TUSC3: variants seen among roughly 807,000 people sequenced by gnomAD.
The protein encoded by TUSC3 is tumor suppressor candidate 3.
Under a neutral mutation model 44.8 loss-of-function variants are expected in TUSC3, and 45 were observed. That is an observed-to-expected ratio of 1.00 (90% CI 0.79 to 1.29). TUSC3 has a LOEUF of 1.29. Ranked by LOEUF, TUSC3 falls within the 50% of genes most tolerant of loss-of-function variation. TUSC3 has a pLI of 0.00. For missense variants in TUSC3, 519 were observed against 437.9 expected (o/e 1.19, Z -1.65); for synonymous variants, 212 against 152.9 (o/e 1.39, Z -2.85).
chr8:15,483,811 A>G (rs553931225), intron 2 of TUSC3, among the ~76,000 whole-genome samples: 5 of 151,564 alleles, frequency 3.3e-5, no homozygotes, highest in South Asian at 2.1e-4. Context: ...GCCAGCCACA[A>G]TGCCCGGCTA....
intron 1 of TUSC3, among the ~76,000 whole-genome samples, chr8:15,591,129 T>C (rs1803819988): frequency 6.6e-6 from 1 of 152,178 alleles, no homozygotes; most frequent in African/African-American, 2.4e-5. Flanking sequence ...TAGGTCCTTT[T>C]TTTGGTTATT....
At chr8:15,696,645 A>G (rs976828447) in intron 6 of TUSC3, among the ~76,000 whole-genome samples, 1 of 152,154 alleles carries the variant, frequency 6.6e-6, no homozygotes, top group African/African-American at 2.4e-5. Context: ...CCACTTGATC[A>G]TCTGTTCAGG....
At chr8:15,763,841 A>G (rs1328753414) in intron 10 of TUSC3, among the ~76,000 whole-genome samples, 1 of 152,056 alleles carries the variant, frequency 6.6e-6, no homozygotes. Flanking sequence ...AGGACATTCA[A>G]ATGACCCACT....
intron 2 of TUSC3, among the ~76,000 whole-genome samples, chr8:15,506,103 G>A (rs1449527081): frequency 1.3e-5 from 2 of 152,168 alleles, no homozygotes; most frequent in African/African-American, 4.8e-5. Context: ...TATTATAAGA[G>A]AGGATGAAAA....
the TUSC3 span, among the ~76,000 whole-genome samples, chr8:15,811,575 G>A: frequency 6.6e-6 from 1 of 152,176 alleles, no homozygotes; most frequent in Non-Finnish European, 1.5e-5. Flanking sequence ...AGAACTGGGG[G>A]TTTGCAGAAC....
At chr8:15,597,750 C>A (rs1695623568) in intron 1 of TUSC3, among the ~76,000 whole-genome samples, 1 of 152,038 alleles carries the variant, frequency 6.6e-6, no homozygotes. Context: ...AAGACATATA[C>A]TTGAAAGCAT....
At chr8:15,460,429 A>G (rs1406681472) in intron 1 of TUSC3, among the ~76,000 whole-genome samples, 1 of 152,038 alleles carries the variant, frequency 6.6e-6, no homozygotes, top group Non-Finnish European at 1.5e-5. Context: ...TAGATTCTGG[A>G]CATGGTCCTT....
chr8:15,762,413 T>G (rs1489313245), intron 10 of TUSC3, among the ~76,000 whole-genome samples: 1 of 152,038 alleles, frequency 6.6e-6, no homozygotes, highest in African/African-American at 2.4e-5. Flanking sequence ...AACAGTAGCA[T>G]AACTAAAGAT....
intron 9 of TUSC3, among the ~76,000 whole-genome samples, chr8:15,749,391 T>C (rs1031717798): frequency 1.3e-5 from 2 of 152,058 alleles, no homozygotes; most frequent in African/African-American, 2.4e-5. Flanking sequence ...AAAAGGGAGA[T>C]CTGACTTTGG....
rs528822662 is a variant in TUSC3, at chr8:15,692,424, C to T, written c.798+18588C>T. Among the ~76,000 whole-genome samples, 54 of 116,516 alleles carry T rather than the reference C, an allele frequency of 4.6e-4. 1 individual carries two copies. Among genetic ancestry groups the T allele is most frequent in the Middle Eastern group, 7.6e-3 (1 of 132 alleles). The allele number at this position is 116,516 out of a possible 152,430, so 76.4% of individuals were successfully genotyped here. A position where few individuals can be genotyped will look rare whatever the true frequency, so the allele number is the denominator to read the frequency against. On this transcript the variant is annotated intron_variant, in intron 6 of 10. Transcript: ENST00000503731. Reference sequence around the variant, plus strand: ...TGCAATAGTTTCAGTGGGAATGGTACCAGCTCTTCTTTATACATCTGGTAG... The same window carrying T: ...TGCAATAGTTTCAGTGGGAATGGTATCAGCTCTTCTTTATACATCTGGTAG...
intron 6 of TUSC3, among the ~76,000 whole-genome samples, chr8:15,712,056 C>A (rs1809874854): frequency 6.6e-6 from 1 of 151,838 alleles, no homozygotes; most frequent in Non-Finnish European, 1.5e-5. Context: ...AGTTTCGTCA[C>A]ATAATAATTT....
intron 10 of TUSC3, 125 bp downstream of exon 10, chr8:15,757,980 C>G: frequency 6.7e-7 from 1 of 1,483,790 alleles, no homozygotes; most frequent in Non-Finnish European, 8.9e-7. Context: ...TAACTTTTAA[C>G]TGTGAGATTC....
intron 1 of TUSC3, among the ~76,000 whole-genome samples, chr8:15,433,563 C>A (rs907943646): frequency 1.3e-5 from 2 of 151,944 alleles, no homozygotes. Flanking sequence ...ACAGCCCCTT[C>A]ACACGTATAC....
At chr8:15,482,160 A>G (rs753050557) in intron 1 of TUSC3, among the ~76,000 whole-genome samples, 4 of 152,148 alleles carry the variant, frequency 2.6e-5, no homozygotes, top group Admixed American at 2.6e-4. Context: ...AAGTTTTACC[A>G]TGAGATTGCA....
At chr8:15,680,931 T>A (rs1426431990) in intron 6 of TUSC3, among the ~76,000 whole-genome samples, 1 of 152,124 alleles carries the variant, frequency 6.6e-6, no homozygotes, top group African/African-American at 2.4e-5. Flanking sequence ...AAATGAAACC[T>A]CCTTGATTAT....
intron 1 of TUSC3, among the ~76,000 whole-genome samples, chr8:15,604,763 G>C (rs1192958772): frequency 6.6e-6 from 1 of 151,634 alleles, no homozygotes; most frequent in Admixed American, 6.6e-5. Flanking sequence ...AATATGGTTA[G>C]GACTGTGGTA....
At chr8:15,718,618 A>C (rs1810161125) in intron 6 of TUSC3, among the ~76,000 whole-genome samples, 1 of 152,036 alleles carries the variant, frequency 6.6e-6, no homozygotes, top group African/African-American at 2.4e-5. Context: ...AGAGAATAGA[A>C]CTTCATGGAC....
chr8:15,846,584 A>G, the TUSC3 span, among the ~76,000 whole-genome samples: 1 of 152,240 alleles, frequency 6.6e-6, no homozygotes, highest in African/African-American at 2.4e-5. Flanking sequence ...GGAAACCATC[A>G]TTTTCAGCAA....
chr8:15,810,980 G>C, the TUSC3 span, among the ~76,000 whole-genome samples: 4 of 152,142 alleles, frequency 2.6e-5, no homozygotes, highest in Non-Finnish European at 5.9e-5. Flanking sequence ...GGAGCTTATA[G>C]ACATTCTCCT....
Sources: allele counts gnomAD v4.1 joint callset (sites outside exome capture counted in the v4.1 genomes callset), GRCh38; gene constraint gnomAD v4.1.1; transcripts MANE v1.5; gene names NCBI Gene and HGNC (gene_info 2026-07-23, HGNC 2026-07-21).